Variants in MED13 observed in about 807,000 individuals in gnomAD.
MED13 encodes the protein mediator complex subunit 13.
A neutral mutation model predicts 225.2 loss-of-function variants in MED13; 23 were observed. The ratio of observed to expected loss-of-function variants is 0.10; its 90% CI spans 0.07 to 0.14. MED13 has a LOEUF of 0.14. Ranked by LOEUF, MED13 falls within the 10% of genes least tolerant of loss-of-function variation. MED13 has a pLI of 1.00. For missense variants in MED13, 2,197 were observed against 2,594.5 expected (o/e 0.85, Z 3.33); for synonymous variants, 942 against 889.2 (o/e 1.06, Z -1.06).
intron 14 of MED13, 104 bp downstream of exon 14, chr17:61,984,547 T>A: frequency 9.2e-7 from 1 of 1,092,212 alleles, no homozygotes; most frequent in Non-Finnish European, 1.3e-6. Context: ...TCAACTTAGC[T>A]ACAAAACCGC....
chr17:61,969,854 G>A (rs749238962), intron 17 of MED13, among the ~76,000 whole-genome samples: 12 of 151,932 alleles, frequency 7.9e-5, no homozygotes, highest in East Asian at 1.9e-4. Context: ...TGCCCACCTC[G>A]GCCTCCCAAA....
intron 26 of MED13, among the ~76,000 whole-genome samples, chr17:61,953,371 T>C (rs1377266743): frequency 6.6e-6 from 1 of 152,144 alleles, no homozygotes; most frequent in Admixed American, 6.5e-5. Flanking sequence ...TATGTTACCA[T>C]AAAAGACTTT....
rs1338316283 is a variant in MED13 at position 61,961,589 on chromosome 17, T to C, written c.5255A>G (p.Asp1752Gly). Residue 1752 changes from aspartate (D) to glycine (G), a missense_variant and splice_region_variant, in exon 22 of 30, where the codon GAT becomes GGT. Around this residue, in one of 12 missense-constraint regions of MED13, gnomAD observed 457 missense variants for 442.2 expected, o/e 1.03. Transcript: ENST00000397786. ...CGGTCATGAAAAACATATACTTACA[T>C]CAGGACTTCTAAGGGCAGTTTCCAT... Reference protein sequence around the residue: ...LAMETALRSPDRPECIRLYAP... With the variant: ...LAMETALRSPGRPECIRLYAP... 1.3e-6 allele frequency: 2 copies of C among 1,534,110 alleles called. No homozygotes were observed. The highest frequency in any genetic ancestry group is 1.8e-6 in the Non-Finnish European group (2 of 1,117,412).
At chr17:61,954,493 A>G (rs2079924585) in intron 26 of MED13, among the ~76,000 whole-genome samples, 1 of 152,162 alleles carries the variant, frequency 6.6e-6, no homozygotes, top group African/African-American at 2.4e-5. Flanking sequence ...ATAAGTAAAG[A>G]TGGCTGGGCA....
At chr17:62,043,940 A>G (rs1286428513) in intron 3 of MED13, among the ~76,000 whole-genome samples, 1 of 152,166 alleles carries the variant, frequency 6.6e-6, no homozygotes, top group Non-Finnish European at 1.5e-5. Context: ...CTTCTACTGG[A>G]CAGTACATTA....
chr17:61,960,893 A>G lies in MED13; in HGVS notation c.5454T>C (p.Cys1818=). Residue 1818 remains cysteine (C), a synonymous_variant, in exon 23 of 30, where the codon TGT becomes TGC. Transcript: ENST00000397786. ...TDLYGELLET[C]IINIDVPNRA... is the part of the protein sequence containing the mutation. The stretch of plus-strand genomic sequence containing the variant: ...TATTTGGAACATCGATGTTAATGAT[A>G]CAAGTTTCTAAAAGTTCTCCATATA... 6.2e-7 allele frequency: 1 copy of G among 1,610,646 alleles called. No individual in the cohort carries two copies. The highest frequency in any genetic ancestry group is 8.5e-7 in the Non-Finnish European group (1 of 1,177,592).
In MED13 at chr17:62,008,317, CAAAAA is replaced by C. The variant is rs766909961; in HGVS notation, c.1967+2228_1967+2232del. On this transcript the variant is annotated intron_variant, in intron 9 of 29. Coordinates refer to ENST00000397786, the MANE Select transcript of MED13 (RefSeq NM_005121.3). Reference sequence around the variant, plus strand: ...TGGGCCACAGAGCGAGGCTCTGTCTCAAAAAAAAAAAAAAAAAAAAAAAAAATTGA... The same window carrying C: ...TGGGCCACAGAGCGAGGCTCTGTCTCAAAAAAAAAAAAAAAAAAAAATTGA... 3.9e-3 allele frequency among the ~76,000 whole-genome samples: 131 copies of C among 33,198 alleles called. No homozygotes were observed. In the South Asian group the frequency reaches 0.11, roughly 27 times the overall value. 21.8% of individuals were successfully genotyped at this position (33,198 alleles called of 152,430 possible).
chr17:61,950,304 A>T (rs1029825534), intron 28 of MED13, among the ~76,000 whole-genome samples: 2 of 148,774 alleles, frequency 1.3e-5, no homozygotes, highest in African/African-American at 5.0e-5. Flanking sequence ...AATAAGGGAT[A>T]CTCAATCTAC....
Position 61,962,984 on chromosome 17 carries a change from G to GT in MED13, c.4845-14dup, listed in dbSNP as rs971149230. ...CCGATCCATCGTGCTAAAATTTAAG[G>GT]TAGAAATGAGACAAAAAGTTGTACT... On this transcript the variant is annotated splice_polypyrimidine_tract_variant and intron_variant, in intron 20 of 29. Coordinates refer to ENST00000397786, the MANE Select transcript of MED13 (RefSeq NM_005121.3). 15 of 1,612,194 alleles carry GT rather than the reference G, an allele frequency of 9.3e-6. No individual in the cohort carries two copies. In the African/African-American group the frequency reaches 2.0e-4, roughly 22 times the overall value.
chr17:62,060,427 CCTGT>C (rs894709871), intron 2 of MED13, among the ~76,000 whole-genome samples: 18 of 152,120 alleles, frequency 1.2e-4, no homozygotes, highest in Non-Finnish European at 2.2e-4. Context: ...TCGAGACCAT[CCTGT>C]CTAACAGTGA....
Position 61,944,283 on chromosome 17 carries a change from A to G in MED13, c.*2185T>C, listed in dbSNP as rs1484686127. Reference sequence around the variant, plus strand: ...TTAAACAACTGAGAATATAACTTTTATTTTGTAAAGTCACTATTAAGTGTA... The same window carrying G: ...TTAAACAACTGAGAATATAACTTTTGTTTTGTAAAGTCACTATTAAGTGTA... On this transcript the variant is annotated 3_prime_UTR_variant, in exon 30 of 30. Coordinates refer to ENST00000397786, the MANE Select transcript of MED13 (RefSeq NM_005121.3). 1 of 152,382 alleles carries G rather than the reference A, an allele frequency of 6.6e-6. No homozygotes were observed. The highest frequency in any genetic ancestry group is 1.9e-4 in the East Asian group (1 of 5,198). 9.4% of individuals were successfully genotyped at this position (152,382 alleles called of 1,614,324 possible).
chr17:61,957,051 G>A (rs942324740), intron 23 of MED13, among the ~76,000 whole-genome samples: 7 of 151,920 alleles, frequency 4.6e-5, no homozygotes, highest in Admixed American at 4.6e-4. Flanking sequence ...CTACGCCAGG[G>A]ATTTTTTGTT....
At chr17:61,946,784 T>G (rs1020275642) in intron 29 of MED13, 133 bp downstream of exon 29, 2 of 1,069,064 alleles carry the variant, frequency 1.9e-6, no homozygotes, top group East Asian at 2.4e-5. Flanking sequence ...CAAGTTAGAA[T>G]AGCAGTGTTT....
chr17:61,946,907 A>AC lies in MED13; in HGVS notation c.6392+9_6392+10insG. ...GCAGTGACAAACTGTTAATGGTAAA[A>AC]GAGTTGTACCTGAGGACATCTGAAG... On this transcript the variant is annotated intron_variant, in intron 29 of 29. Coordinates refer to ENST00000397786, the MANE Select transcript of MED13 (RefSeq NM_005121.3). 6.3e-7 allele frequency: 1 copy of AC among 1,590,240 alleles called. No individual in the cohort carries two copies. Among genetic ancestry groups the AC allele is most frequent in the Non-Finnish European group, 8.6e-7 (1 of 1,158,956 alleles).
At chr17:62,063,575 T>C (rs901291783) in intron 1 of MED13, among the ~76,000 whole-genome samples, 1 of 152,190 alleles carries the variant, frequency 6.6e-6, no homozygotes, top group Non-Finnish European at 1.5e-5. Flanking sequence ...ATGTTAAATA[T>C]AGACACACAC....
intron 3 of MED13, among the ~76,000 whole-genome samples, chr17:62,037,581 C>T (rs1271109700): frequency 1.3e-5 from 2 of 150,604 alleles, no homozygotes; most frequent in Non-Finnish European, 3.0e-5. Flanking sequence ...GCATGAGAAT[C>T]GCTTGAACCC....
At chr17:61,986,761 A>C (rs1198452481) in intron 12 of MED13, among the ~76,000 whole-genome samples, 1 of 152,196 alleles carries the variant, frequency 6.6e-6, no homozygotes, top group East Asian at 1.9e-4. Context: ...AATTAAGGTT[A>C]ATCATGTGTC....
chr17:62,059,782 C>T lies in MED13; in HGVS notation c.301+3285G>A, dbSNP rs189818495. On this transcript the variant is annotated intron_variant, in intron 2 of 29. Coordinates refer to ENST00000397786, the MANE Select transcript of MED13 (RefSeq NM_005121.3). Reference sequence around the variant, plus strand: ...GACAAATATATTCCATCTGAAAAAACCTTATTATGCTTTAAGATACGTCTG... The same window carrying T: ...GACAAATATATTCCATCTGAAAAAATCTTATTATGCTTTAAGATACGTCTG... 6.6e-5 allele frequency among the ~76,000 whole-genome samples: 10 copies of T among 152,274 alleles called. No homozygotes were observed. In the East Asian group the frequency reaches 1.9e-3, roughly 29 times the overall value.
In MED13 at chr17:61,995,380, T is replaced by A. The variant is rs764485497; in HGVS notation, c.1968-15A>T. ...GCACCATTAACCTGCATAAAAAAAT[T>A]AAAAAAAATTAATTATCCACATAAG... On this transcript the variant is annotated splice_polypyrimidine_tract_variant and intron_variant, in intron 9 of 29. Coordinates refer to ENST00000397786, the MANE Select transcript of MED13 (RefSeq NM_005121.3). 31 of 1,545,472 alleles carry A rather than the reference T, an allele frequency of 2.0e-5. No homozygotes were observed. In the Middle Eastern group the frequency reaches 7.7e-4, roughly 38 times the overall value.
Sources: allele counts gnomAD v4.1 joint callset (sites outside exome capture counted in the v4.1 genomes callset), GRCh38; gene constraint gnomAD v4.1.1; regional missense constraint gnomAD v4.1.1; transcripts MANE v1.5; gene names NCBI Gene and HGNC (gene_info 2026-07-23, HGNC 2026-07-21).